The following ARHGAP42 variants were observed in gnomAD, a reference collection of about 807,000 sequenced individuals.
ARHGAP42 encodes Rho GTPase activating protein 42.
A neutral mutation model predicts 125.0 loss-of-function variants in ARHGAP42; 63 were observed. The observed-to-expected ratio is 0.50, with a 90% CI of 0.41 to 0.62. The LOEUF is 0.62. ARHGAP42 is among the 20% of genes least tolerant of loss of function. The pLI is 0.00. For synonymous variants in ARHGAP42, 339 were observed against 351.0 expected, an observed-to-expected ratio of 0.97 and a Z score of 0.38; for missense variants, 766 against 1,024.2, an observed-to-expected ratio of 0.75 and a Z score of 3.44.
intron 1 of ARHGAP42, among the ~76,000 whole-genome samples, chr11:100,693,030 G>T (rs924990688): frequency 3.9e-5 from 6 of 152,120 alleles, no homozygotes; most frequent in Non-Finnish European, 7.4e-5. Flanking sequence ...AATTAAAAGG[G>T]GGAAAAAGGC....
chr11:100,841,946 G>C (rs1214081460), intron 3 of ARHGAP42, among the ~76,000 whole-genome samples: 1 of 152,034 alleles, frequency 6.6e-6, no homozygotes, highest in East Asian at 1.9e-4. Flanking sequence ...TGGCTTACTT[G>C]TCTGTCTTCC....
intron 1 of ARHGAP42, among the ~76,000 whole-genome samples, chr11:100,730,888 T>C (rs1243011670): frequency 6.6e-6 from 1 of 152,198 alleles, no homozygotes; most frequent in Non-Finnish European, 1.5e-5. Flanking sequence ...TGTAACACAA[T>C]GGTAAAAATT....
intron 17 of ARHGAP42, among the ~76,000 whole-genome samples, chr11:100,966,145 G>C (rs939492522): frequency 2.6e-5 from 4 of 151,936 alleles, no homozygotes; most frequent in African/African-American, 9.7e-5. Context: ...AAGTCAACAG[G>C]TTCCCCTAGG....
At chr11:100,778,581 C>G (rs146867584) in intron 2 of ARHGAP42, among the ~76,000 whole-genome samples, 3 of 151,428 alleles carry the variant, frequency 2.0e-5, no homozygotes, top group South Asian at 2.1e-4. Flanking sequence ...TTTAAACCAC[C>G]CTTATTTTTG....
chr11:100,786,812 G>T (rs1863447669), intron 2 of ARHGAP42, among the ~76,000 whole-genome samples: 1 of 152,102 alleles, frequency 6.6e-6, no homozygotes, highest in Non-Finnish European at 1.5e-5. Flanking sequence ...CTTACAGAAG[G>T]TTTCTTTGTT....
Position 100,890,447 on chromosome 11 carries a change from C to T in ARHGAP42, c.385-23005C>T, listed in dbSNP as rs551322765. On this transcript the variant is annotated intron_variant, in intron 4 of 23. Transcript: ENST00000298815. ...GTAATTTACAAGAAGTTACCTCATT[C>T]CATCCTGTTAAGCGCTTCATTAAGT... Among the ~76,000 whole-genome samples the T allele has an allele frequency of 1.4e-4, 22 of 152,224 alleles. No homozygotes were observed. The Middle Eastern group carries it at 0.014, about 94-fold the overall frequency.
chr11:100,693,969 G>C (rs988136723), intron 1 of ARHGAP42, among the ~76,000 whole-genome samples: 3 of 150,832 alleles, frequency 2.0e-5, no homozygotes, highest in African/African-American at 7.3e-5. Flanking sequence ...GTCTCGCTCT[G>C]TTGCCAGGCT....
At chr11:100,787,128 A>G (rs1863455265) in intron 2 of ARHGAP42, among the ~76,000 whole-genome samples, 1 of 146,162 alleles carries the variant, frequency 6.8e-6, no homozygotes, top group African/African-American at 2.5e-5. Context: ...ATACAAAAAA[A>G]TTAGGCGGGC....
intron 2 of ARHGAP42, among the ~76,000 whole-genome samples, chr11:100,789,716 G>T (rs1436312511): frequency 6.6e-6 from 1 of 152,184 alleles, no homozygotes; most frequent in Non-Finnish European, 1.5e-5. Flanking sequence ...GGCCGCCTTG[G>T]CCTATTCCTG....
At chr11:100,800,174 T>C (rs143735065) in intron 3 of ARHGAP42, among the ~76,000 whole-genome samples, 1 of 152,312 alleles carries the variant, frequency 6.6e-6, no homozygotes, top group East Asian at 1.9e-4. Flanking sequence ...AAGTTGATGG[T>C]TGGCTCAGAA....
rs1367274146 is a variant in ARHGAP42, at chr11:100,992,636, C to G, written c.*3835C>G. 2 of 1,612,828 alleles carry G rather than the reference C, an allele frequency of 1.2e-6. No individual in the cohort carries two copies. The highest frequency in any genetic ancestry group is 2.7e-5 in the African/African-American group (2 of 74,904). On this transcript the variant is annotated 3_prime_UTR_variant, in exon 24 of 24. Coordinates refer to ENST00000298815, the MANE Select transcript of ARHGAP42 (RefSeq NM_152432.4). ...ATCCCTCATTGTCACCGTTATCCCC[C>G]TGCTTCAAAATGTGCCAGTTCCACT...
Position 100,827,002 on chromosome 11 carries a change from CTT to C in ARHGAP42, c.312+31859_312+31860del, listed in dbSNP as rs869260353. Among the ~76,000 whole-genome samples, 79 of 80,888 alleles carry C rather than the reference CTT, an allele frequency of 9.8e-4. 1 individual carries two copies. Among genetic ancestry groups the C allele is most frequent in the East Asian group, 9.2e-3 (25 of 2,722 alleles). 53.1% of individuals were successfully genotyped at this position (80,888 alleles called of 152,430 possible). Reference sequence around the variant, plus strand: ...TGAATTTTGTTGTGAGCCTTACATCCTTTTTTTTTTTTTTTTTTTTTTTTGAG... The same window carrying C: ...TGAATTTTGTTGTGAGCCTTACATCCTTTTTTTTTTTTTTTTTTTTTTGAG... On this transcript the variant is annotated intron_variant, in intron 3 of 23. Coordinates refer to ENST00000298815, the MANE Select transcript of ARHGAP42 (RefSeq NM_152432.4).
chr11:100,881,935 A>G (rs897302061), intron 4 of ARHGAP42, among the ~76,000 whole-genome samples: 6 of 152,058 alleles, frequency 3.9e-5, no homozygotes, highest in Non-Finnish European at 8.8e-5. Flanking sequence ...TATGTAGGAG[A>G]GCTACTGATT....
chr11:100,891,868 T>C (rs775872540), intron 4 of ARHGAP42, among the ~76,000 whole-genome samples: 1 of 152,144 alleles, frequency 6.6e-6, no homozygotes, highest in Non-Finnish European at 1.5e-5. Flanking sequence ...CTTGATCTAA[T>C]GTGGAAGTCC....
At chr11:100,978,901 T>G in intron 21 of ARHGAP42, 86 bp from the exon 22 acceptor site, 1 of 1,380,002 alleles carries the variant, frequency 7.2e-7, no homozygotes, top group African/African-American at 1.4e-5. Flanking sequence ...TTTTTTGTCT[T>G]GTTTAACTGG....
At chr11:100,822,148 A>G (rs1864419319) in intron 3 of ARHGAP42, among the ~76,000 whole-genome samples, 1 of 152,212 alleles carries the variant, frequency 6.6e-6, no homozygotes, top group Non-Finnish European at 1.5e-5. Context: ...TAGACATTTC[A>G]GTACTTGTCT....
rs1277587874 is a variant in ARHGAP42, at chr11:100,728,713, CGTATATATATATATATATAT to C, written c.154+40882_154+40901del. Reference sequence around the variant, plus strand: ...AAGTGAAATTATATGAATGACTTTGCGTATATATATATATATATATATATATATATATATATATATATATG... The same window carrying C: ...AAGTGAAATTATATGAATGACTTTGCATATATATATATATATATATATATG... On this transcript the variant is annotated intron_variant, in intron 1 of 23. Coordinates refer to ENST00000298815, the MANE Select transcript of ARHGAP42 (RefSeq NM_152432.4). Among the ~76,000 whole-genome samples, 103 of 95,312 alleles carry C rather than the reference CGTATATATATATATATATAT, an allele frequency of 1.1e-3. 2 individuals are homozygous for C. In the Middle Eastern group the frequency reaches 0.017, roughly 16 times the overall value. 62.5% of individuals were successfully genotyped at this position (95,312 alleles called of 152,430 possible). A position where few individuals can be genotyped will look rare whatever the true frequency, so the allele number is the denominator to read the frequency against.
In ARHGAP42 at chr11:100,976,250, T is replaced by C; in HGVS notation, c.2049T>C (p.Ser683=). ...GQKSLGLWTT[S]PESSSREDAT... ...AAAGCCTTGGTCTGTGGACAACTAG[T>C]CCTGAATCAAGTTCCAGAGAAGATG... Residue 683 remains serine, a synonymous_variant, in exon 20 of 24, where the codon AGT becomes AGC. Coordinates refer to ENST00000298815, the MANE Select transcript of ARHGAP42 (RefSeq NM_152432.4). The C allele has an allele frequency of 6.4e-7, 1 of 1,551,682 alleles. No homozygotes were observed. Among genetic ancestry groups the C allele is most frequent in the Non-Finnish European group, 8.7e-7 (1 of 1,146,918 alleles).
intron 5 of ARHGAP42, 62 bp from the exon 6 acceptor site, chr11:100,921,432 C>A: frequency 8.5e-7 from 1 of 1,176,710 alleles, no homozygotes; most frequent in Admixed American, 2.6e-5. Flanking sequence ...GATACCAGAG[C>A]AGGAATTGAG....
Sources: allele counts gnomAD v4.1 joint callset (sites outside exome capture counted in the v4.1 genomes callset), GRCh38; gene constraint gnomAD v4.1.1; transcripts MANE v1.5; gene names NCBI Gene and HGNC (gene_info 2026-07-23, HGNC 2026-07-21).